CDKL5: variants seen among roughly 807,000 people sequenced by gnomAD.
CDKL5 encodes cyclin-dependent kinase-like 5.
In CDKL5, 8 loss-of-function variants were observed where a neutral mutation model predicts 61.7. That is an observed-to-expected ratio of 0.13 (90% CI 0.08 to 0.23). The LOEUF is 0.23. Ranked by LOEUF, CDKL5 falls within the 10% of genes least tolerant of loss-of-function variation. The probability of loss-of-function intolerance (pLI) is 1.00; values close to 1 mark genes in which losing one functional copy is unlikely to be tolerated. For synonymous variants in CDKL5, 275 were observed against 272.3 expected (o/e 1.01, Z -0.10); for missense variants, 440 against 734.5 (o/e 0.60, Z 4.63).
At chrX:18,552,020 A>G (rs895215609) in intron 3 of CDKL5, among the ~76,000 whole-genome samples, 2 of 109,892 alleles carry the variant, frequency 1.8e-5, no homozygotes, top group African/African-American at 6.6e-5. Flanking sequence ...CGGGTGGATC[A>G]CAAGGTCAGG....
chrX:18,590,196 T>A (rs1023122803), intron 9 of CDKL5, among the ~76,000 whole-genome samples: 1 of 111,617 alleles, frequency 9.0e-6, no homozygotes, highest in Non-Finnish European at 1.9e-5. Context: ...GGTGTTTTAG[T>A]CATGAAGTCC....
At chrX:18,600,447 C>G (rs754981371) in intron 11 of CDKL5, among the ~76,000 whole-genome samples, 1 of 111,931 alleles carries the variant, frequency 8.9e-6, no homozygotes, top group African/African-American at 3.2e-5. Context: ...AGTTCAGGTG[C>G]TTTTATCTCC....
intron 9 of CDKL5, among the ~76,000 whole-genome samples, chrX:18,592,455 C>T (rs1044151048): frequency 6.3e-5 from 7 of 111,070 alleles, no homozygotes; most frequent in Non-Finnish European, 1.3e-4. Flanking sequence ...ATAGGCCACA[C>T]AAAGGATTAT....
At chrX:18,582,326 A>G (rs1925508489) in intron 7 of CDKL5, among the ~76,000 whole-genome samples, 1 of 111,856 alleles carries the variant, frequency 8.9e-6, no homozygotes, top group Admixed American at 9.5e-5. Context: ...CAATTGTTAT[A>G]TATCTATAAA....
At chrX:18,426,133 C>T (rs1323675454) in intron 1 of CDKL5, 1 of 112,454 alleles carries the variant, frequency 8.9e-6, no homozygotes, top group Non-Finnish European at 1.9e-5. Flanking sequence ...AGCCCCCTGC[C>T]CGAGTTCGGA....
At chrX:18,498,837 G>T (rs1302373638) in intron 1 of CDKL5, among the ~76,000 whole-genome samples, 1 of 111,684 alleles carries the variant, frequency 9.0e-6, no homozygotes, top group African/African-American at 3.3e-5. Flanking sequence ...TCAGGCTGGA[G>T]TGCAGTGGCG....
chrX:18,508,683 A>T (rs1025779129), intron 2 of CDKL5, among the ~76,000 whole-genome samples: 2 of 107,294 alleles, frequency 1.9e-5, no homozygotes, highest in African/African-American at 3.4e-5. Flanking sequence ...CCAGACTGTT[A>T]TATATATATA....
At chrX:18,589,744 G>C (rs1166034190) in intron 9 of CDKL5, 1 of 112,292 alleles carries the variant, frequency 8.9e-6, no homozygotes, top group Non-Finnish European at 1.9e-5. Context: ...CTAGTTTACA[G>C]TCCCACCAAC....
At chrX:18,578,750 A>T (rs1262887638) in intron 5 of CDKL5, among the ~76,000 whole-genome samples, 1 of 112,047 alleles carries the variant, frequency 8.9e-6, no homozygotes, top group Non-Finnish European at 1.9e-5. Flanking sequence ...GTGCATGTGC[A>T]GCAGAAGGGC....
intron 1 of CDKL5, among the ~76,000 whole-genome samples, chrX:18,432,675 G>A (rs1262122908): frequency 2.9e-5 from 3 of 101,722 alleles, no homozygotes; most frequent in South Asian, 4.7e-4. Flanking sequence ...GTGTGATCAC[G>A]GCTCACTGCA....
chrX:18,554,031 A>G (rs1030310651), intron 3 of CDKL5, among the ~76,000 whole-genome samples: 1 of 109,523 alleles, frequency 9.1e-6, no homozygotes, highest in Admixed American at 9.8e-5. Context: ...GTCAACCTTA[A>G]TAGGCAGTTT....
At chrX:18,558,452 T>C (rs766867281) in intron 3 of CDKL5, among the ~76,000 whole-genome samples, 1 of 111,847 alleles carries the variant, frequency 8.9e-6, no homozygotes, top group Non-Finnish European at 1.9e-5. Flanking sequence ...GGTGGTAGAA[T>C]AAGTAATAAA....
At chrX:18,524,287 G>A (rs1923353655) in intron 3 of CDKL5, among the ~76,000 whole-genome samples, 1 of 112,139 alleles carries the variant, frequency 8.9e-6, no homozygotes, top group African/African-American at 3.2e-5. Context: ...ATCTGCCATG[G>A]ATATGATATG....
intron 1 of CDKL5, among the ~76,000 whole-genome samples, chrX:18,480,515 G>A (rs1921506452): frequency 1.8e-5 from 2 of 111,712 alleles, no homozygotes; most frequent in African/African-American, 6.5e-5. Context: ...CTCTTTGGAA[G>A]AAAGTTACTA....
At chrX:18,587,925 C>T in intron 8 of CDKL5, 29 bp from the exon 9 acceptor site, 1 of 1,178,917 alleles carries the variant, frequency 8.5e-7, no homozygotes, top group Non-Finnish European at 1.2e-6. Flanking sequence ...TTTTCAGTTG[C>T]CAAAATAATC....
At chrX:18,569,699 A>G (rs1053243199) in intron 4 of CDKL5, among the ~76,000 whole-genome samples, 9 of 111,497 alleles carry the variant, frequency 8.1e-5, no homozygotes, top group African/African-American at 3.3e-5. Flanking sequence ...AGGAAAACCT[A>G]TTGTCTAGAA....
At position 18,463,125 on chromosome X, in the gene CDKL5, CAGCT is replaced by C. The variant is rs747372941; in HGVS notation, c.-163+37431_-163+37434del. On this transcript the variant is annotated intron_variant, in intron 1 of 17. Transcript: ENST00000623535. The stretch of plus-strand genomic sequence containing the variant: ...CACAGCTGGGATGAGTGAGCCTTGA[CAGCT>C]GGCTGGTCAAGTGTCAGGAAAGAGG... Among the ~76,000 whole-genome samples the C allele has an allele frequency of 3.2e-4, 35 of 110,602 alleles. No individual in the cohort carries two copies. The East Asian group carries it at 9.5e-3, about 30-fold the overall frequency.
chrX:18,448,107 G>A (rs1931923277), intron 1 of CDKL5, among the ~76,000 whole-genome samples: 1 of 110,842 alleles, frequency 9.0e-6, no homozygotes. Context: ...TAATCTGCTG[G>A]AAATCTACAC....
At chrX:18,651,557 C>T (rs753354147) in intron 21 of CDKL5, among the ~76,000 whole-genome samples, 2 of 111,013 alleles carry the variant, frequency 1.8e-5, no homozygotes, top group East Asian at 2.9e-4. Context: ...GAAGGTCCCT[C>T]GGACTGAGTA....
Sources: allele counts gnomAD v4.1 joint callset (sites outside exome capture counted in the v4.1 genomes callset), GRCh38; gene constraint gnomAD v4.1.1; transcripts MANE v1.5; gene names NCBI Gene and HGNC (gene_info 2026-07-23, HGNC 2026-07-21).